MYEF2: variants seen among roughly 807,000 people sequenced by gnomAD.
MYEF2 encodes the protein myelin expression factor 2, also known as myelin gene expression factor 2.
A neutral mutation model predicts 75.2 loss-of-function variants in MYEF2; 37 were observed. That is an observed-to-expected ratio of 0.49 (90% CI 0.38 to 0.65). The LOEUF is 0.65. MYEF2 is among the 30% of genes least tolerant of loss of function. The probability of loss-of-function intolerance (pLI) is 0.00; values close to 1 mark genes in which losing one functional copy is unlikely to be tolerated. For missense variants in MYEF2, 634 were observed against 771.4 expected (o/e 0.82, Z 2.11); for synonymous variants, 195 against 241.6 (o/e 0.81, Z 1.79).
chr15:48,168,545 G>A, intron 2 of MYEF2, 86 bp downstream of exon 2: 1 of 1,053,624 alleles, frequency 9.5e-7, no homozygotes, highest in East Asian at 2.4e-5. Flanking sequence ...AGTCTGTGTG[G>A]CTCAGAGGAA....
chr15:48,177,862 C>T (rs1024829044), intron 1 of MYEF2, among the ~76,000 whole-genome samples: 1 of 152,144 alleles, frequency 6.6e-6, no homozygotes, highest in Non-Finnish European at 1.5e-5. Flanking sequence ...GGGCCCCCAG[C>T]CCCGGCTCCC....
intron 16 of MYEF2, among the ~76,000 whole-genome samples, chr15:48,146,684 G>C (rs1229525702): frequency 6.6e-6 from 1 of 151,982 alleles, no homozygotes; most frequent in Non-Finnish European, 1.5e-5. Context: ...AAGCAAGCAA[G>C]AGAATATACT....
chr15:48,168,292 T>C (rs2040203056), intron 2 of MYEF2, among the ~76,000 whole-genome samples: 1 of 152,072 alleles, frequency 6.6e-6, no homozygotes, highest in Non-Finnish European at 1.5e-5. Context: ...TTATTATTCA[T>C]TCTTAACACG....
At position 48,136,835 on chromosome 15, in the gene MYEF2, T is replaced by C; in HGVS notation, c.*6073A>G. 3 of 1,613,860 alleles carry C rather than the reference T, an allele frequency of 1.9e-6. No individual in the cohort carries two copies. Among genetic ancestry groups the C allele is most frequent in the South Asian group, 1.1e-5 (1 of 91,064 alleles). On this transcript the variant is annotated 3_prime_UTR_variant, in exon 17 of 17. Transcript: ENST00000324324. ...GAGAGAAGTGAACAACAGCCACTGA[T>C]GGGCTGGGAAGATGAAGGTCAACCA...
chr15:48,172,146 TC>T (rs1567276097), intron 1 of MYEF2, among the ~76,000 whole-genome samples: 2 of 152,116 alleles, frequency 1.3e-5, no homozygotes, highest in African/African-American at 4.8e-5. Context: ...ACATCTGTAA[TC>T]CCGGCACTTT....
At chr15:48,165,637 C>T (rs954030057) in intron 5 of MYEF2, among the ~76,000 whole-genome samples, 5 of 151,838 alleles carry the variant, frequency 3.3e-5, no homozygotes, top group African/African-American at 1.2e-4. Context: ...AATGTCTGTA[C>T]CAAATAAACT....
chr15:48,145,390 T>C (rs565108414), intron 16 of MYEF2, among the ~76,000 whole-genome samples: 1 of 152,072 alleles, frequency 6.6e-6, no homozygotes, highest in South Asian at 2.1e-4. Context: ...CCTGACTTTT[T>C]ACATGCTCTG....
intron 5 of MYEF2, among the ~76,000 whole-genome samples, chr15:48,162,357 A>G (rs1195577921): frequency 6.6e-6 from 1 of 152,164 alleles, no homozygotes; most frequent in African/African-American, 2.4e-5. Context: ...TGGTTTACAT[A>G]TATTAACTCT....
intron 1 of MYEF2, among the ~76,000 whole-genome samples, chr15:48,176,303 A>T (rs1346600567): frequency 6.6e-6 from 1 of 150,914 alleles, no homozygotes; most frequent in Admixed American, 6.6e-5. Flanking sequence ...AAATCTTCTT[A>T]TGGAATAGAC....
intron 13 of MYEF2, 55 bp downstream of exon 13, chr15:48,151,418 A>G: frequency 1.3e-6 from 2 of 1,515,890 alleles, no homozygotes; most frequent in Non-Finnish European, 1.8e-6. Flanking sequence ...GAGAAACCAA[A>G]TTTCAAAAAT....
rs182897963 is a variant in MYEF2 at position 48,137,944 on chromosome 15, A to T, written c.*4964T>A. ...TTTATAAAGTGGTTGTCCAAAACAG[A>T]TTCTAAATTTAATTAAGCCTTTAGG... On this transcript the variant is annotated 3_prime_UTR_variant, in exon 17 of 17. Coordinates refer to ENST00000324324, the MANE Select transcript of MYEF2 (RefSeq NM_016132.5). 2.3e-3 allele frequency: 346 copies of T among 152,196 alleles called. 2 individuals are homozygous for T. The highest frequency in any genetic ancestry group is 8.1e-3 in the African/African-American group (337 of 41,554). 9.4% of individuals were successfully genotyped at this position (152,196 alleles called of 1,614,324 possible). A position where few individuals can be genotyped will look rare whatever the true frequency, so the allele number is the denominator to read the frequency against.
chr15:48,149,640 A>G lies in MYEF2; in HGVS notation c.1379-269T>C, dbSNP rs2039419817. 2 of 228,868 alleles carry G rather than the reference A, an allele frequency of 8.7e-6. No homozygotes were observed. Among genetic ancestry groups the G allele is most frequent in the Non-Finnish European group, 1.7e-5 (2 of 119,320 alleles). The allele number at this position is 228,868 out of a possible 1,614,324, so 14.2% of individuals were successfully genotyped here. A position where few individuals can be genotyped will look rare whatever the true frequency, so the allele number is the denominator to read the frequency against. On this transcript the variant is annotated intron_variant, in intron 14 of 16. Transcript: ENST00000324324. The surrounding 1 kb of genome is among the most constrained non-coding windows in gnomAD (Gnocchi z 4.0). ...CACTGTATAAATACATTATGCATAT[A>G]TAACTGTATAAAATTGTATTCTGAT...
At position 48,142,290 on chromosome 15, in the gene MYEF2, T is replaced by C. The variant is rs146726548; in HGVS notation, c.*618A>G. ...TTATCATACTTGGGGCTTGCTACATTATCAGTTCTATATGAACTTGGAATT... is the reference window on the plus strand; with the variant it reads ...TTATCATACTTGGGGCTTGCTACATCATCAGTTCTATATGAACTTGGAATT... On this transcript the variant is annotated 3_prime_UTR_variant, in exon 17 of 17. Transcript: ENST00000324324. The C allele has an allele frequency of 1.6e-4, 260 of 1,613,466 alleles. 1 individual carries two copies. In the African/African-American group the frequency reaches 3.2e-3, roughly 20 times the overall value.
intron 5 of MYEF2, among the ~76,000 whole-genome samples, chr15:48,161,164 A>G (rs780504210): frequency 2.2e-4 from 34 of 152,206 alleles, no homozygotes; most frequent in Non-Finnish European, 3.2e-4. Flanking sequence ...ATACATACAT[A>G]AAACATATAT....
In MYEF2 at chr15:48,141,012, G is replaced by A. The variant is rs1263098452; in HGVS notation, c.*1896C>T. ...CATATTGGCTCTGAATTCTAAATGT[G>A]CCTATTTTATTTTTGTTCACGAAGG... On this transcript the variant is annotated 3_prime_UTR_variant, in exon 17 of 17. Coordinates refer to ENST00000324324, the MANE Select transcript of MYEF2 (RefSeq NM_016132.5). 14 of 881,684 alleles carry A rather than the reference G, an allele frequency of 1.6e-5. No individual in the cohort carries two copies. Among genetic ancestry groups the A allele is most frequent in the Non-Finnish European group, 2.5e-5 (14 of 556,582 alleles). The allele number at this position is 881,684 out of a possible 1,614,324, so 54.6% of individuals were successfully genotyped here.
In MYEF2 at chr15:48,142,712, G is replaced by A; in HGVS notation, c.*196C>T. 1.9e-6 allele frequency: 1 copy of A among 531,818 alleles called. No individual in the cohort carries two copies. Among genetic ancestry groups the A allele is most frequent in the Non-Finnish European group, 3.2e-6 (1 of 315,052 alleles). 32.9% of individuals were successfully genotyped at this position (531,818 alleles called of 1,614,324 possible). The stretch of plus-strand genomic sequence containing the variant: ...TCATTTAAACTGAATGACCAGACTT[G>A]CTGTCTTTAAAAACCCAAACTTGAG... On this transcript the variant is annotated 3_prime_UTR_variant, in exon 17 of 17. Coordinates refer to ENST00000324324, the MANE Select transcript of MYEF2 (RefSeq NM_016132.5).
intron 11 of MYEF2, 42 bp from the exon 12 acceptor site, chr15:48,151,984 T>C (rs756026434): frequency 4.0e-5 from 63 of 1,585,506 alleles, no homozygotes; most frequent in Admixed American, 2.2e-4. Flanking sequence ...CTGTCAGTCA[T>C]GTAGCTGAAA....
Position 48,139,125 on chromosome 15 carries a change from T to C in MYEF2, c.*3783A>G. ...GTGATAACCTTTTTCATGTCTGCAATATGGATATCCGCATTTACATATATC... is the reference window on the plus strand; with the variant it reads ...GTGATAACCTTTTTCATGTCTGCAACATGGATATCCGCATTTACATATATC... On this transcript the variant is annotated 3_prime_UTR_variant, in exon 17 of 17. Coordinates refer to ENST00000324324, the MANE Select transcript of MYEF2 (RefSeq NM_016132.5). 5.0e-6 allele frequency: 8 copies of C among 1,613,076 alleles called. No individual in the cohort carries two copies. Among genetic ancestry groups the C allele is most frequent in the Non-Finnish European group, 6.8e-6 (8 of 1,179,354 alleles).
In MYEF2 at chr15:48,168,506, CAT is replaced by C. The variant is rs1597349590; in HGVS notation, c.370+123_370+124del. 4 of 685,830 alleles carry C rather than the reference CAT, an allele frequency of 5.8e-6. 1 individual carries two copies. The highest frequency in any genetic ancestry group is 3.9e-5 in the South Asian group (2 of 51,506). The allele number at this position is 685,830 out of a possible 1,614,324, so 42.5% of individuals were successfully genotyped here. On this transcript the variant is annotated intron_variant, in intron 2 of 16. Transcript: ENST00000324324. ...GAAAGAAGAGGAAAAGATTAATTCA[CAT>C]GTCAAGAAATAAAAATCAATTTTTT...
Sources: gnomAD v4.1 joint callset for allele counts (sites outside exome capture counted in the v4.1 genomes callset) on GRCh38, gnomAD v4.1.1 for gene constraint, Gnocchi (gnomAD v3.1) non-coding constraint, MANE v1.5 for transcripts, NCBI Gene and HGNC (gene_info 2026-07-23, HGNC 2026-07-21) for gene names.